MCPH1: variants seen among roughly 807,000 people sequenced by gnomAD.
MCPH1 encodes microcephalin.
A neutral mutation model predicts 84.5 loss-of-function variants in MCPH1; 104 were observed. That is an observed-to-expected ratio of 1.23 (90% CI 1.05 to 1.45). The LOEUF is 1.45. MCPH1 is among the 40% of genes most tolerant of loss of function. MCPH1 has a pLI of 0.00. For synonymous variants in MCPH1, 514 were observed against 366.8 expected (o/e 1.40, Z -4.58); for missense variants, 1,498 against 1,005.7 (o/e 1.49, Z -6.62).
At chr8:6,615,038 A>G (rs938104082) in intron 12 of MCPH1, among the ~76,000 whole-genome samples, 36 of 152,196 alleles carry the variant, frequency 2.4e-4, no homozygotes, top group Non-Finnish European at 4.4e-5. Context: ...CCACGCTCAC[A>G]CTGCGTAAGC....
intron 8 of MCPH1, chr8:6,447,447 T>C: frequency 4.1e-6 from 4 of 983,842 alleles, no homozygotes; most frequent in Non-Finnish European, 4.8e-6. Context: ...TGTCAGTATC[T>C]AAGATACAGT....
chr8:6,613,156 G>A (rs1014952208), intron 12 of MCPH1, among the ~76,000 whole-genome samples: 1 of 152,188 alleles, frequency 6.6e-6, no homozygotes, highest in Non-Finnish European at 1.5e-5. Flanking sequence ...CGGGAAGCAG[G>A]AGACATCTCT....
intron 12 of MCPH1, among the ~76,000 whole-genome samples, chr8:6,600,990 G>C (rs1484214088): frequency 6.6e-6 from 1 of 152,286 alleles, no homozygotes; most frequent in African/African-American, 2.4e-5. Flanking sequence ...GCCATTACGG[G>C]GTCACCAAGG....
At chr8:6,436,253 A>C (rs1014699388) in intron 5 of MCPH1, 91 bp downstream of exon 5, 1 of 1,319,668 alleles carries the variant, frequency 7.6e-7, no homozygotes, top group Non-Finnish European at 1.1e-6. Flanking sequence ...AGCATGAGAG[A>C]GCTGATGAAG....
intron 12 of MCPH1, among the ~76,000 whole-genome samples, chr8:6,591,590 G>A (rs767993481): frequency 3.3e-5 from 5 of 152,136 alleles, no homozygotes; most frequent in African/African-American, 7.2e-5. Flanking sequence ...ATATCTTTGC[G>A]GTTTCTTTCT....
intron 12 of MCPH1, chr8:6,563,110 T>A: frequency 1.6e-6 from 1 of 609,322 alleles, no homozygotes. Context: ...ACTGCTGTGT[T>A]CTCTCCAGGC....
At chr8:6,561,032 AC>A (rs1289798840) in intron 12 of MCPH1, among the ~76,000 whole-genome samples, 3 of 152,174 alleles carry the variant, frequency 2.0e-5, no homozygotes, top group Admixed American at 1.3e-4. Context: ...AAAGCCATTA[AC>A]CATCAGCTTG....
chr8:6,414,087 T>G (rs550511959), intron 2 of MCPH1, among the ~76,000 whole-genome samples: 2 of 152,222 alleles, frequency 1.3e-5, no homozygotes, highest in East Asian at 3.9e-4. Context: ...TTTTCCAACT[T>G]TTTGAATGAT....
chr8:6,438,374 TG>T (rs34518328), intron 5 of MCPH1, among the ~76,000 whole-genome samples: 16,223 of 152,136 alleles, frequency 0.11, 1,084 homozygotes, highest in Middle Eastern at 0.24. Flanking sequence ...ATTTTTTTGT[TG>T]GGGGTGAGTA....
chr8:6,571,126 A>G (rs1483013397), intron 12 of MCPH1, among the ~76,000 whole-genome samples: 1 of 152,188 alleles, frequency 6.6e-6, no homozygotes, highest in Non-Finnish European at 1.5e-5. Context: ...CATCAAAAAA[A>G]TGCCAGAAGG....
At position 6,445,026 on chromosome 8, in the gene MCPH1, T is replaced by G. The variant is rs1322156613; in HGVS notation, c.1304T>G (p.Leu435Arg). The G allele has an allele frequency of 6.2e-7, 1 of 1,614,246 alleles. No individual in the cohort carries two copies. Among genetic ancestry groups the G allele is most frequent in the Non-Finnish European group, 8.5e-7 (1 of 1,180,032 alleles). The change falls in exon 8 of 14, where the codon CTG becomes CGG. Residue 435 changes from leucine to arginine, a missense_variant. By Grantham distance (102) the Leu-to-Arg change is moderately radical. Transcript: ENST00000344683. ...YSENLPPESQ[L>R]PSSPAQLSCR... Reference sequence around the variant, plus strand: ...GAGAATCTTCCTCCTGAATCTCAGCTGCCATCAAGCCCTGCTCAGTTGAGC... The same window carrying G: ...GAGAATCTTCCTCCTGAATCTCAGCGGCCATCAAGCCCTGCTCAGTTGAGC...
chr8:6,504,596 G>A (rs964435002), intron 12 of MCPH1, among the ~76,000 whole-genome samples: 1 of 152,106 alleles, frequency 6.6e-6, no homozygotes, highest in Non-Finnish European at 1.5e-5. Context: ...TGGCAATTCA[G>A]ATATGTCAAA....
chr8:6,601,739 C>T (rs1474283572), intron 12 of MCPH1, among the ~76,000 whole-genome samples: 2 of 80,580 alleles, frequency 2.5e-5, no homozygotes, highest in African/African-American at 7.5e-5. Context: ...TCACATACCA[C>T]ATATACCCAC....
At chr8:6,424,089 G>A (rs1169674034) in intron 3 of MCPH1, among the ~76,000 whole-genome samples, 1 of 152,104 alleles carries the variant, frequency 6.6e-6, no homozygotes, top group Non-Finnish European at 1.5e-5. Flanking sequence ...GTCACTAGGT[G>A]TCACTAGAAT....
At chr8:6,604,548 A>C (rs1308147804) in intron 12 of MCPH1, among the ~76,000 whole-genome samples, 1 of 152,256 alleles carries the variant, frequency 6.6e-6, no homozygotes, top group East Asian at 1.9e-4. Context: ...TCTATCGCCC[A>C]GGCTGGAGTG....
At chr8:6,626,136 T>G in intron 13 of MCPH1, 2 of 985,384 alleles carry the variant, frequency 2.0e-6, no homozygotes, top group Non-Finnish European at 2.4e-6. Flanking sequence ...ATTTTACTTG[T>G]AAGAATTTCT....
intron 12 of MCPH1, among the ~76,000 whole-genome samples, chr8:6,504,243 G>A (rs961264084): frequency 6.6e-6 from 1 of 150,616 alleles, no homozygotes; most frequent in East Asian, 2.0e-4. Flanking sequence ...GCGTGAACCC[G>A]GGAGGCGGAG....
At chr8:6,609,828 C>CCCCGCCCA (rs1475345162) in intron 12 of MCPH1, among the ~76,000 whole-genome samples, 1 of 108,744 alleles carries the variant, frequency 9.2e-6, no homozygotes, top group Non-Finnish European at 2.2e-5. Context: ...CGCCCCCCCC[C>CCCCGCCCA]CACACACAGA....
intron 6 of MCPH1, among the ~76,000 whole-genome samples, chr8:6,440,536 A>G (rs1158879199): frequency 1.3e-5 from 2 of 152,202 alleles, no homozygotes; most frequent in Admixed American, 6.5e-5. Flanking sequence ...ATTGATAGAT[A>G]TAGTCAAATT....
Sources: gnomAD v4.1 joint callset for allele counts (sites outside exome capture counted in the v4.1 genomes callset) on GRCh38, gnomAD v4.1.1 for gene constraint, MANE v1.5 for transcripts, NCBI Gene and HGNC (gene_info 2026-07-23, HGNC 2026-07-21) for gene names.